Variants in PGAP2 observed in about 807,000 individuals in gnomAD.
PGAP2 encodes acyltransferase PGAP2.
A neutral mutation model predicts 33.2 loss-of-function variants in PGAP2; 21 were observed. The observed-to-expected ratio is 0.63, with a 90% CI of 0.45 to 0.91. The LOEUF is 0.91. Among genes scored for constraint, PGAP2 ranks in the 40% least tolerant of loss-of-function variants. The pLI is 0.00. For synonymous variants in PGAP2, 161 were observed against 172.9 expected (o/e 0.93, Z 0.54); for missense variants, 345 against 424.0 (o/e 0.81, Z 1.64).
intron 3 of PGAP2, chr11:3,823,494 A>T: frequency 1.9e-6 from 2 of 1,037,134 alleles, no homozygotes; most frequent in Admixed American, 4.2e-5. Context: ...TCTGTGACTC[A>T]TCCCTGTCCT....
At chr11:3,804,805 A>G (rs4910829), upstream of PGAP2, among the ~76,000 whole-genome samples, 119,490 of 152,082 alleles carry the variant, frequency 0.79, 47,850 homozygotes, top group Non-Finnish European at 0.88. Flanking sequence ...GGGTTCAAGC[A>G]ATTCTCCTGC....
chr11:3,810,336 C>T (rs943037463), intron 1 of PGAP2, among the ~76,000 whole-genome samples: 1 of 152,198 alleles, frequency 6.6e-6, no homozygotes, highest in South Asian at 2.1e-4. Flanking sequence ...TGTAACTCTT[C>T]GTGGGTCCCA....
At chr11:3,819,804 C>T (rs1392956247) in intron 3 of PGAP2, among the ~76,000 whole-genome samples, 6 of 151,934 alleles carry the variant, frequency 3.9e-5, no homozygotes, top group East Asian at 1.9e-4. Context: ...ATGGGGCTGG[C>T]GGTAGGAGTA....
At chr11:3,801,405 G>A (rs1261233421) in intron 1 of PGAP2, among the ~76,000 whole-genome samples, 2 of 152,128 alleles carry the variant, frequency 1.3e-5, no homozygotes, top group Non-Finnish European at 2.9e-5. Flanking sequence ...CACTTTGGGA[G>A]GCCGAGGCGG....
chr11:3,803,416 C>T (rs1348631410), intron 1 of PGAP2, among the ~76,000 whole-genome samples: 12 of 151,656 alleles, frequency 7.9e-5, no homozygotes, highest in African/African-American at 2.2e-4. Context: ...CGTGAGCCAC[C>T]GCACCCGGCC....
chr11:3,808,098 C>G, upstream of PGAP2: 1 of 1,451,678 alleles, frequency 6.9e-7, no homozygotes, highest in Non-Finnish European at 9.1e-7. Context: ...GTGCTCTTCC[C>G]ATTGCTGAAA....
intron 2 of PGAP2, among the ~76,000 whole-genome samples, chr11:3,812,103 C>G (rs1263286313): frequency 6.6e-6 from 1 of 151,882 alleles, no homozygotes; most frequent in African/African-American, 2.4e-5. Flanking sequence ...ACCCTCTGGA[C>G]AGGGATATGG....
intron 3 of PGAP2, among the ~76,000 whole-genome samples, chr11:3,822,746 G>T (rs745936634): frequency 6.6e-6 from 1 of 152,206 alleles, no homozygotes; most frequent in Non-Finnish European, 1.5e-5. Context: ...TAAAGTTTGT[G>T]AAGCACTGCT....
chr11:3,803,459 ACT>A (rs1328321418), intron 1 of PGAP2, among the ~76,000 whole-genome samples: 1 of 148,478 alleles, frequency 6.7e-6, no homozygotes, highest in East Asian at 2.0e-4. Flanking sequence ...ATGGAGTCTC[ACT>A]CTGTCACCCA....
chr11:3,825,449 G>T lies in PGAP2; in HGVS notation c.939G>T (p.Lys313Asn). Residue 313 changes from lysine (K) to asparagine (N), a missense_variant, in exon 7 of 7, where the codon AAG becomes AAT. Physicochemically the swap from Lys to Asn is moderately conservative, Grantham distance 94. This residue lies in a region of PGAP2 where 311 missense variants were observed against 353.6 expected (regional missense o/e 0.88). Transcript: ENST00000278243. Reference protein sequence around the residue: ...ELLITSQPEEKRF With the variant: ...ELLITSQPEENRF ...TCATAACCTCTCAGCCTGAGGAAAA[G>T]CGATTCTGAACCCTTCAGTCCTGCT... 2 of 1,613,210 alleles carry T rather than the reference G, an allele frequency of 1.2e-6. No individual in the cohort carries two copies. The highest frequency in any genetic ancestry group is 8.5e-7 in the Non-Finnish European group (1 of 1,179,908).
Position 3,817,389 on chromosome 11 carries a change from C to A in PGAP2, c.202C>A (p.Pro68Thr). 6.2e-7 allele frequency: 1 copy of A among 1,613,348 alleles called. No individual in the cohort carries two copies. The highest frequency in any genetic ancestry group is 8.5e-7 in the Non-Finnish European group (1 of 1,179,262). ...CAGGATGTTCTCTGCGGCCTCCCAG[C>A]CTTTGGACCCCGATGGGACCTTGTT... is the stretch of plus-strand genomic sequence containing the variant. ...PCRMFSAASQ[P>T]LDPDGTLFRL... The change falls in exon 3 of 7, where the codon CCT becomes ACT. Residue 68 changes from proline (P) to threonine (T), a missense_variant. Pro to Thr is a conservative substitution (Grantham distance 38, BLOSUM62 -1). This residue lies in a region of PGAP2 where 311 missense variants were observed against 353.6 expected (regional missense o/e 0.88). Coordinates refer to ENST00000278243, the MANE Select transcript of PGAP2 (RefSeq NM_014489.4).
Position 3,811,548 on chromosome 11 carries a change from G to A in PGAP2, c.165+124G>A. Reference sequence around the variant, plus strand: ...GCCCATCAAACATACGGGGCTGCTGGGGGGATGCCTGCAAATTGAAATCTC... The same window carrying A: ...GCCCATCAAACATACGGGGCTGCTGAGGGGATGCCTGCAAATTGAAATCTC... On this transcript the variant is annotated intron_variant, in intron 2 of 6. Coordinates refer to ENST00000278243, the MANE Select transcript of PGAP2 (RefSeq NM_014489.4). The surrounding 1 kb of genome is among the most constrained non-coding windows in gnomAD (Gnocchi z 4.6). 1.1e-6 allele frequency: 1 copy of A among 895,000 alleles called. No homozygotes were observed. Among genetic ancestry groups the A allele is most frequent in the South Asian group, 1.8e-5 (1 of 54,452 alleles). The allele number at this position is 895,000 out of a possible 1,614,324, so 55.4% of individuals were successfully genotyped here.
In PGAP2 at chr11:3,825,687, G is replaced by T; in HGVS notation, c.*229G>T. 3.1e-6 allele frequency: 1 copy of T among 325,040 alleles called. No homozygotes were observed. Among genetic ancestry groups the T allele is most frequent in the Non-Finnish European group, 5.7e-6 (1 of 174,402 alleles). 20.1% of individuals were successfully genotyped at this position (325,040 alleles called of 1,614,324 possible). ...ATCACCTTTACCTGAGAGGCCCCAA[G>T]AAGCTGAGCTGGCAGAGAGCTCCAC... On this transcript the variant is annotated 3_prime_UTR_variant, in exon 7 of 7. Coordinates refer to ENST00000278243, the MANE Select transcript of PGAP2 (RefSeq NM_014489.4).
At chr11:3,821,933 G>C (rs1014583576) in intron 3 of PGAP2, among the ~76,000 whole-genome samples, 2 of 151,486 alleles carry the variant, frequency 1.3e-5, no homozygotes, top group South Asian at 2.1e-4. Flanking sequence ...AATTAGCCAG[G>C]CATGGTGGTG....
At chr11:3,798,312 G>A (rs2134049281) in intron 1 of PGAP2, among the ~76,000 whole-genome samples, 1 of 152,282 alleles carries the variant, frequency 6.6e-6, no homozygotes, top group South Asian at 2.1e-4. Flanking sequence ...AGCTGCACGT[G>A]GAGAACCCCT....
At chr11:3,823,729 C>T in intron 3 of PGAP2, 154 bp from the exon 4 acceptor site, 7 of 1,597,998 alleles carry the variant, frequency 4.4e-6, no homozygotes, top group Non-Finnish European at 5.9e-6. Flanking sequence ...AAGGAGAGGT[C>T]TTTTGGGAGA....
At chr11:3,805,648 C>T (rs188701866), upstream of PGAP2, among the ~76,000 whole-genome samples, 5 of 150,152 alleles carry the variant, frequency 3.3e-5, no homozygotes, top group Admixed American at 1.3e-4. Flanking sequence ...GAAGGAGGAT[C>T]GCTTGAGCCT....
chr11:3,803,795 A>T (rs888415790), upstream of PGAP2, among the ~76,000 whole-genome samples: 247 of 86,950 alleles, frequency 2.8e-3, no homozygotes, highest in East Asian at 0.03. Flanking sequence ...ATATATATAT[A>T]TATTTTTTTT....
intron 1 of PGAP2, among the ~76,000 whole-genome samples, chr11:3,800,176 CT>C (rs1398964049): frequency 2.6e-5 from 4 of 152,186 alleles, no homozygotes; most frequent in Non-Finnish European, 4.4e-5. Flanking sequence ...ACCACACTCC[CT>C]TGCCTTTGCT....
Sources: gnomAD v4.1 joint callset for allele counts (sites outside exome capture counted in the v4.1 genomes callset) on GRCh38, gnomAD v4.1.1 for gene constraint, gnomAD v4.1.1 regional missense constraint, Gnocchi (gnomAD v3.1) non-coding constraint, MANE v1.5 for transcripts, NCBI Gene and HGNC (gene_info 2026-07-23, HGNC 2026-07-21) for gene names.